The following PLXDC2 variants were observed in gnomAD, a reference collection of about 807,000 sequenced individuals.
PLXDC2 encodes plexin domain containing 2, also known as plexin domain-containing protein 2.
In PLXDC2, 40 loss-of-function variants were observed where a neutral mutation model predicts 68.9. That is an observed-to-expected ratio of 0.58 (90% CI 0.45 to 0.76). The LOEUF is 0.76. Among genes scored for constraint, PLXDC2 ranks in the 30% least tolerant of loss-of-function variants. PLXDC2 has a pLI of 0.00. For synonymous variants in PLXDC2, 243 were observed against 234.2 expected (o/e 1.04, Z -0.34); for missense variants, 644 against 661.9 (o/e 0.97, Z 0.30).
At chr10:19,880,119 C>T (rs566978970) in intron 1 of PLXDC2, among the ~76,000 whole-genome samples, 5 of 152,164 alleles carry the variant, frequency 3.3e-5, no homozygotes, top group African/African-American at 9.6e-5. Context: ...TACTCTTTGA[C>T]GTGTATTTAC....
chr10:19,841,299 T>A (rs548236623), intron 1 of PLXDC2, among the ~76,000 whole-genome samples: 56 of 152,314 alleles, frequency 3.7e-4, no homozygotes, highest in Middle Eastern at 3.4e-3. Flanking sequence ...TCTCAAGTAA[T>A]GTAAGTTTCT....
intron 6 of PLXDC2, among the ~76,000 whole-genome samples, chr10:20,163,622 T>G (rs944586022): frequency 8.5e-5 from 13 of 152,184 alleles, no homozygotes; most frequent in Admixed American, 6.6e-4. Flanking sequence ...CCTGTTTCTT[T>G]GTTTATTGAA....
At chr10:20,211,084 G>A (rs570028130) in intron 9 of PLXDC2, among the ~76,000 whole-genome samples, 1 of 152,202 alleles carries the variant, frequency 6.6e-6, no homozygotes, top group Non-Finnish European at 1.5e-5. Context: ...ACTCTTAATA[G>A]GCAGGATAGT....
intron 9 of PLXDC2, among the ~76,000 whole-genome samples, chr10:20,179,766 C>T (rs1159387766): frequency 2.0e-5 from 3 of 152,084 alleles, no homozygotes; most frequent in African/African-American, 7.2e-5. Context: ...AGAGATGTCT[C>T]TGCCAGACAT....
intron 4 of PLXDC2, among the ~76,000 whole-genome samples, chr10:20,136,291 C>T (rs1455130793): frequency 2.6e-5 from 4 of 152,190 alleles, no homozygotes; most frequent in African/African-American, 9.7e-5. Context: ...AAATAACTTA[C>T]CACAACTTTT....
At chr10:19,838,200 C>T (rs73601618) in intron 1 of PLXDC2, among the ~76,000 whole-genome samples, 3,832 of 152,140 alleles carry the variant, frequency 0.025, 139 homozygotes, top group African/African-American at 0.086. Context: ...TGGGCTCTAG[C>T]AGTCCTCTCA....
chr10:19,922,703 T>C (rs1833480262), intron 1 of PLXDC2, among the ~76,000 whole-genome samples: 1 of 152,182 alleles, frequency 6.6e-6, no homozygotes, highest in Admixed American at 6.5e-5. Context: ...AGACTCAGCT[T>C]AGTGATTTCA....
At chr10:20,072,567 A>G (rs987777240) in intron 4 of PLXDC2, among the ~76,000 whole-genome samples, 1 of 148,942 alleles carries the variant, frequency 6.7e-6, no homozygotes. Flanking sequence ...GAAAGAAAGG[A>G]AGAAATCTAG....
rs1355973431 is a variant in PLXDC2 at position 20,164,506 on chromosome 10, T to G, written c.822T>G (p.His274Gln). ...TCACACAGATAAGTTCAACCAATCA[T>G]CCAGTGAAAGTCGGACTGTCCGATG... ...VLVTQISSTN[H>Q]PVKVGLSDAF... Residue 274 changes from histidine to glutamine, a missense_variant, in exon 7 of 14, where the codon CAT becomes CAG. Around this residue, in one of 3 missense-constraint regions of PLXDC2, gnomAD observed 330 missense variants for 327.9 expected, o/e 1.01. Transcript: ENST00000377252. 6.2e-7 allele frequency: 1 copy of G among 1,613,710 alleles called. No homozygotes were observed. The highest frequency in any genetic ancestry group is 2.2e-5 in the East Asian group (1 of 44,790).
intron 1 of PLXDC2, among the ~76,000 whole-genome samples, chr10:19,954,673 A>G (rs1242324996): frequency 6.6e-6 from 1 of 152,208 alleles, no homozygotes; most frequent in Non-Finnish European, 1.5e-5. Flanking sequence ...CCATTTATTG[A>G]TATTTTTAAC....
At chr10:20,242,991 C>A (rs1343282169) in intron 12 of PLXDC2, among the ~76,000 whole-genome samples, 1 of 152,260 alleles carries the variant, frequency 6.6e-6, no homozygotes, top group African/African-American at 2.4e-5. Context: ...GGATTACGGG[C>A]ATGAGCCACC....
At chr10:19,905,216 A>G (rs1271476180) in intron 1 of PLXDC2, among the ~76,000 whole-genome samples, 1 of 152,222 alleles carries the variant, frequency 6.6e-6, no homozygotes, top group Non-Finnish European at 1.5e-5. Context: ...TAATTGGTGT[A>G]TGAATGGGTT....
At chr10:20,057,955 A>AT (rs1836028314) in intron 3 of PLXDC2, among the ~76,000 whole-genome samples, 1 of 151,980 alleles carries the variant, frequency 6.6e-6, no homozygotes, top group Admixed American at 6.6e-5. Context: ...TCTTTGTGTT[A>AT]TTTTTTGTAA....
intron 9 of PLXDC2, among the ~76,000 whole-genome samples, chr10:20,192,708 G>A (rs1371798331): frequency 6.6e-6 from 1 of 151,940 alleles, no homozygotes; most frequent in East Asian, 1.9e-4. Context: ...TGAAAAGAGA[G>A]AATAATCTTT....
chr10:20,216,800 T>C (rs2131862854), intron 10 of PLXDC2, among the ~76,000 whole-genome samples: 1 of 151,096 alleles, frequency 6.6e-6, no homozygotes, highest in South Asian at 2.1e-4. Context: ...CTATGTCTCA[T>C]TTCCTGATGT....
intron 9 of PLXDC2, among the ~76,000 whole-genome samples, chr10:20,194,435 C>A (rs1008412839): frequency 6.6e-6 from 1 of 151,566 alleles, no homozygotes; most frequent in African/African-American, 2.4e-5. Flanking sequence ...GTTTTTTGGT[C>A]AAAATAAATT....
At chr10:20,000,220 T>C (rs1366389609) in intron 1 of PLXDC2, among the ~76,000 whole-genome samples, 1 of 152,108 alleles carries the variant, frequency 6.6e-6, no homozygotes, top group Non-Finnish European at 1.5e-5. Flanking sequence ...AAACACTTAC[T>C]GTATGGAGGG....
chr10:20,181,827 G>A (rs1041376724), intron 9 of PLXDC2, among the ~76,000 whole-genome samples: 4 of 152,016 alleles, frequency 2.6e-5, no homozygotes, highest in East Asian at 1.9e-4. Flanking sequence ...TAACTTATGC[G>A]AAGAAGGGAT....
At chr10:20,031,706 C>T (rs1232077279) in intron 2 of PLXDC2, among the ~76,000 whole-genome samples, 2 of 152,028 alleles carry the variant, frequency 1.3e-5, no homozygotes, top group African/African-American at 4.8e-5. Flanking sequence ...TATAAAGAAG[C>T]GCTAACATCA....
Sources: allele counts gnomAD v4.1 joint callset (sites outside exome capture counted in the v4.1 genomes callset), GRCh38; gene constraint gnomAD v4.1.1; regional missense constraint gnomAD v4.1.1; transcripts MANE v1.5; gene names NCBI Gene and HGNC (gene_info 2026-07-23, HGNC 2026-07-21).